Variants in KIF26B observed in about 807,000 individuals in gnomAD.
The protein encoded by KIF26B is kinesin-like protein KIF26B.
A neutral mutation model predicts 151.2 loss-of-function variants in KIF26B; 63 were observed. That is an observed-to-expected ratio of 0.42 (90% CI 0.34 to 0.51). The LOEUF (loss-of-function observed/expected upper bound fraction) is 0.51, where lower values mean the gene tolerates loss of function less well. KIF26B is among the 20% of genes least tolerant of loss of function. The probability of loss-of-function intolerance (pLI) is 0.07; values close to 1 mark genes in which losing one functional copy is unlikely to be tolerated. For missense variants in KIF26B, 2,813 were observed against 2,913.6 expected (o/e 0.97, Z 0.79); for synonymous variants, 1,357 against 1,262.1 (o/e 1.08, Z -1.59).
intron 2 of KIF26B, among the ~76,000 whole-genome samples, chr1:245,339,672 A>G (rs1672299614): frequency 6.6e-6 from 1 of 152,242 alleles, no homozygotes; most frequent in African/African-American, 2.4e-5. Flanking sequence ...TAGTCACAAA[A>G]TCATGAATAT....
rs1017034131 is a variant in KIF26B at position 245,180,707 on chromosome 1, T to C, written c.465+24024T>C. Among the ~76,000 whole-genome samples the C allele has an allele frequency of 3.3e-5, 5 of 150,920 alleles. No homozygotes were observed. The South Asian group carries it at 8.4e-4, about 25-fold the overall frequency. ...GTGGCTCATGGGCCAGTGGTCACCA[T>C]GGAAATGGTGGTGGTGGGGGTAGGG... On this transcript the variant is annotated intron_variant, in intron 2 of 14. Transcript: ENST00000407071.
intron 2 of KIF26B, among the ~76,000 whole-genome samples, chr1:245,336,566 G>A (rs183624261): frequency 1.3e-5 from 2 of 152,322 alleles, no homozygotes; most frequent in African/African-American, 4.8e-5. Context: ...CTGGAATAAT[G>A]GTTTGCTTCT....
At chr1:245,169,336 T>TGTGTGTGG (rs1558331909) in intron 2 of KIF26B, among the ~76,000 whole-genome samples, 54 of 13,816 alleles carry the variant, frequency 3.9e-3, no homozygotes, top group African/African-American at 6.0e-3. Context: ...ATGGTGTGTG[T>TGTGTGTGG]GTGTGTGTGT....
intron 2 of KIF26B, among the ~76,000 whole-genome samples, chr1:245,238,808 G>C (rs1239555299): frequency 6.6e-6 from 1 of 152,154 alleles, no homozygotes; most frequent in Non-Finnish European, 1.5e-5. Context: ...GTTGCAGTGA[G>C]CTGAGTTGGT....
rs371414921 is a variant in KIF26B, at chr1:245,469,041, A to G, written c.1166+49296A>G. On this transcript the variant is annotated intron_variant, in intron 4 of 14. Coordinates refer to ENST00000407071, the MANE Select transcript of KIF26B (RefSeq NM_018012.4). ...TATTTTTGTGGTTTTGTGTTTTAAC[A>G]TCAGCTGCGGTAGAAAGAGAAGGGT... Among the ~76,000 whole-genome samples, 4 of 152,344 alleles carry G rather than the reference A, an allele frequency of 2.6e-5. 1 individual carries two copies. Among genetic ancestry groups the G allele is most frequent in the Admixed American group, 6.5e-5 (1 of 15,300 alleles).
chr1:245,278,697 A>T (rs893830234), intron 2 of KIF26B, among the ~76,000 whole-genome samples: 1 of 152,184 alleles, frequency 6.6e-6, no homozygotes, highest in African/African-American at 2.4e-5. Context: ...CTTTTGATGC[A>T]TCTCTTGTAT....
chr1:245,400,239 G>A (rs1376246201), intron 3 of KIF26B, among the ~76,000 whole-genome samples: 1 of 152,190 alleles, frequency 6.6e-6, no homozygotes, highest in South Asian at 2.1e-4. Flanking sequence ...GGTCAGACTG[G>A]TAACATTTTC....
rs558410536 is a variant in KIF26B at position 245,244,522 on chromosome 1, G to A, written c.465+87839G>A. Reference sequence around the variant, plus strand: ...ACTTTTGCTGTAGACCAATTTTATTGTACTTAGTCGAGTTCTAGAGGGAGC... The same window carrying A: ...ACTTTTGCTGTAGACCAATTTTATTATACTTAGTCGAGTTCTAGAGGGAGC... On this transcript the variant is annotated intron_variant, in intron 2 of 14. Coordinates refer to ENST00000407071, the MANE Select transcript of KIF26B (RefSeq NM_018012.4). This position sits in a 1 kb window ranked among gnomAD's most constrained non-coding sequence, Gnocchi z 4.2. Among the ~76,000 whole-genome samples the A allele has an allele frequency of 6.6e-6, 1 of 152,142 alleles. No individual in the cohort carries two copies. The highest frequency in any genetic ancestry group is 6.6e-5 in the Admixed American group (1 of 15,260).
At position 245,258,787 on chromosome 1, in the gene KIF26B, G is replaced by C. The variant is rs114078072; in HGVS notation, c.465+102104G>C. On this transcript the variant is annotated intron_variant, in intron 2 of 14. Transcript: ENST00000407071. ...ATCAGAACAAGCAGGACCCACGGGC[G>C]GGGGTGAGAGCAAGTGGCTGGGAGG... is the stretch of plus-strand genomic sequence containing the variant. Among the ~76,000 whole-genome samples the C allele has an allele frequency of 8.0e-3, 1,225 of 152,178 alleles. 10 individuals are homozygous for C. The highest frequency in any genetic ancestry group is 0.027 in the African/African-American group (1,105 of 41,532).
chr1:245,230,149 A>AAACAT (rs1387185373), intron 2 of KIF26B, among the ~76,000 whole-genome samples: 2 of 146,222 alleles, frequency 1.4e-5, no homozygotes, highest in Non-Finnish European at 3.0e-5. Context: ...AAACAAAACA[A>AAACAT]AAAGCAAAAA....
chr1:245,680,548 G>A (rs529065211), intron 10 of KIF26B, among the ~76,000 whole-genome samples: 2 of 152,266 alleles, frequency 1.3e-5, no homozygotes, highest in East Asian at 1.9e-4. Flanking sequence ...CAGGCAGTTC[G>A]CTATCACGAT....
At chr1:245,424,514 A>C (rs553492258) in intron 4 of KIF26B, among the ~76,000 whole-genome samples, 2 of 152,334 alleles carry the variant, frequency 1.3e-5, no homozygotes, top group East Asian at 3.8e-4. Context: ...GTGTTTTTAA[A>C]TGCTTACTTT....
In KIF26B at chr1:245,704,904, T is replaced by G. The variant is rs1051422399; in HGVS notation, c.*2298T>G. The G allele has an allele frequency of 2.0e-5, 3 of 152,232 alleles. No individual in the cohort carries two copies. Among genetic ancestry groups the G allele is most frequent in the Non-Finnish European group, 2.9e-5 (2 of 68,046 alleles). 9.4% of individuals were successfully genotyped at this position (152,232 alleles called of 1,614,324 possible). A position where few individuals can be genotyped will look rare whatever the true frequency, so the allele number is the denominator to read the frequency against. ...ATTTTCAAAGGTGAATATTCTGTTT[T>G]TGTTGGAAAGAAACTCATCTGATGA... On this transcript the variant is annotated 3_prime_UTR_variant, in exon 15 of 15. Coordinates refer to ENST00000407071, the MANE Select transcript of KIF26B (RefSeq NM_018012.4).
intron 2 of KIF26B, among the ~76,000 whole-genome samples, chr1:245,246,163 G>A (rs1307810080): frequency 2.6e-5 from 4 of 152,052 alleles, no homozygotes; most frequent in African/African-American, 9.7e-5. Flanking sequence ...TCAACTGTGG[G>A]TGGACTTAAG....
chr1:245,227,532 A>G lies in KIF26B; in HGVS notation c.465+70849A>G, dbSNP rs922667730. ...ATGTGGATTCCTCACGGGCAGAGAT[A>G]CTACCCTCTGAGCTTGCTCCCTGCT... On this transcript the variant is annotated intron_variant, in intron 2 of 14. Transcript: ENST00000407071. This position sits in a 1 kb window ranked among gnomAD's most constrained non-coding sequence, Gnocchi z 4.1. Among the ~76,000 whole-genome samples the G allele has an allele frequency of 1.3e-5, 2 of 152,206 alleles. No individual in the cohort carries two copies. The highest frequency in any genetic ancestry group is 4.8e-5 in the African/African-American group (2 of 41,466).
intron 4 of KIF26B, among the ~76,000 whole-genome samples, chr1:245,436,145 C>T (rs925240750): frequency 1.3e-5 from 2 of 151,478 alleles, no homozygotes; most frequent in African/African-American, 2.4e-5. Flanking sequence ...TCACTGCACT[C>T]CAGCCTGGGC....
At chr1:245,255,971 A>C (rs558672178) in intron 2 of KIF26B, among the ~76,000 whole-genome samples, 63 of 152,284 alleles carry the variant, frequency 4.1e-4, no homozygotes, top group African/African-American at 1.5e-3. Context: ...AGAAATGAGG[A>C]AGCATGAAGA....
At chr1:245,372,869 C>A (rs2103013538) in intron 3 of KIF26B, among the ~76,000 whole-genome samples, 1 of 152,292 alleles carries the variant, frequency 6.6e-6, no homozygotes, top group African/African-American at 2.4e-5. Flanking sequence ...TGTGGTCCCA[C>A]CAACTATTAA....
chr1:245,173,815 T>C (rs1426184090), intron 2 of KIF26B, among the ~76,000 whole-genome samples: 19 of 152,222 alleles, frequency 1.2e-4, no homozygotes, highest in Admixed American at 1.2e-3. Flanking sequence ...GGGCTGGCCC[T>C]GGCAGCCAAG....
Sources: allele counts gnomAD v4.1 joint callset (sites outside exome capture counted in the v4.1 genomes callset), GRCh38; gene constraint gnomAD v4.1.1; non-coding constraint Gnocchi (gnomAD v3.1); transcripts MANE v1.5; gene names NCBI Gene and HGNC (gene_info 2026-07-23, HGNC 2026-07-21).